The following TOLLIP variants were observed in gnomAD, a reference collection of about 807,000 sequenced individuals.
The protein encoded by TOLLIP is toll-interacting protein.
TOLLIP carries 16 observed loss-of-function variants against 33.5 expected under a neutral mutation model. The observed-to-expected ratio is 0.48, with a 90% CI of 0.32 to 0.72. The LOEUF is 0.72. Among genes scored for constraint, TOLLIP ranks in the 30% least tolerant of loss-of-function variants. The probability of loss-of-function intolerance (pLI) is 0.03; values close to 1 mark genes in which losing one functional copy is unlikely to be tolerated. For synonymous variants in TOLLIP, 176 were observed against 163.7 expected (o/e 1.07, Z -0.57); for missense variants, 325 against 396.6 (o/e 0.82, Z 1.53).
chr11:1,285,094 C>T (rs952243962), intron 5 of TOLLIP, among the ~76,000 whole-genome samples: 1 of 152,146 alleles, frequency 6.6e-6, no homozygotes, highest in Non-Finnish European at 1.5e-5. Flanking sequence ...CCCAAAGCAG[C>T]CCCTGAGCAC....
intron 2 of TOLLIP, among the ~76,000 whole-genome samples, chr11:1,295,222 C>T (rs1864074276): frequency 6.6e-6 from 1 of 152,268 alleles, no homozygotes; most frequent in Non-Finnish European, 1.5e-5. Context: ...GGCCCCGAGG[C>T]TGACCGAGGG....
At position 1,276,327 on chromosome 11, in the gene TOLLIP, C is replaced by A. The variant is rs1384800530; in HGVS notation, c.*712G>T. The A allele has an allele frequency of 4.6e-6, 1 of 219,492 alleles. No homozygotes were observed. Among genetic ancestry groups the A allele is most frequent in the East Asian group, 1.2e-4 (1 of 8,338 alleles). 13.6% of individuals were successfully genotyped at this position (219,492 alleles called of 1,614,324 possible). ...CGGCAGCCTCCGGCGGGCGAAGGAC[C>A]CGGCTTCAGATGCCCGCTGGCTGGC... On this transcript the variant is annotated 3_prime_UTR_variant, in exon 6 of 6. Transcript: ENST00000317204.
rs1370513114 is a variant in TOLLIP at position 1,290,849 on chromosome 11, A to G, written c.184-440T>C. On this transcript the variant is annotated intron_variant, in intron 2 of 5. Transcript: ENST00000317204. The surrounding 1 kb of genome is among the most constrained non-coding windows in gnomAD (Gnocchi z 4.9). The stretch of plus-strand genomic sequence containing the variant: ...CCCGGGAGAGGTGCATCCTCGCTCT[A>G]GGTGAGAGTGAGGACACCTGCTGCA... The G allele has an allele frequency of 1.2e-5, 2 of 164,994 alleles. No homozygotes were observed. Among genetic ancestry groups the G allele is most frequent in the Non-Finnish European group, 2.6e-5 (2 of 75,494 alleles). 10.2% of individuals were successfully genotyped at this position (164,994 alleles called of 1,614,324 possible). A position where few individuals can be genotyped will look rare whatever the true frequency, so the allele number is the denominator to read the frequency against.
intron 5 of TOLLIP, among the ~76,000 whole-genome samples, chr11:1,285,241 G>C (rs1863649915): frequency 6.6e-6 from 1 of 152,224 alleles, no homozygotes; most frequent in Non-Finnish European, 1.5e-5. Flanking sequence ...CCTCCGTGCA[G>C]AGGGACCAGT....
chr11:1,290,485 C>T lies in TOLLIP; in HGVS notation c.184-76G>A, dbSNP rs1863899333. ...GTGGGTTCTCTAGGCCGTCTGCCTC[C>T]CTGAACCCTTCCACGAGGCCTTTTC... On this transcript the variant is annotated intron_variant, in intron 2 of 5. Coordinates refer to ENST00000317204, the MANE Select transcript of TOLLIP (RefSeq NM_019009.4). This position sits in a 1 kb window ranked among gnomAD's most constrained non-coding sequence, Gnocchi z 4.9. The T allele has an allele frequency of 1.4e-6, 2 of 1,414,262 alleles. No homozygotes were observed. The highest frequency in any genetic ancestry group is 2.0e-6 in the Non-Finnish European group (2 of 1,017,498). 87.6% of individuals were successfully genotyped at this position (1,414,262 alleles called of 1,614,324 possible). A position where few individuals can be genotyped will look rare whatever the true frequency, so the allele number is the denominator to read the frequency against.
chr11:1,295,016 C>T (rs1054753545), intron 2 of TOLLIP, among the ~76,000 whole-genome samples: 2 of 124,566 alleles, frequency 1.6e-5, no homozygotes, highest in African/African-American at 6.2e-5. Context: ...CGGTGTGTCT[C>T]CTTTCCCTGC....
chr11:1,280,245 T>C (rs1373515229), intron 5 of TOLLIP, among the ~76,000 whole-genome samples: 2 of 152,242 alleles, frequency 1.3e-5, no homozygotes, highest in Non-Finnish European at 2.9e-5. Context: ...CCTGGGCCGC[T>C]GGGTGAGCCC....
At chr11:1,297,734 C>T (rs961499200) in intron 1 of TOLLIP, among the ~76,000 whole-genome samples, 2 of 152,352 alleles carry the variant, frequency 1.3e-5, no homozygotes, top group African/African-American at 4.8e-5. Context: ...TACGGACAAT[C>T]GAGGAGGGTG....
In TOLLIP at chr11:1,303,941, C is replaced by A. The variant is rs958889411; in HGVS notation, c.33+5525G>T. ...ATCCCAGCTACTCGGGAGTCTGAGG[C>A]AGGAAAATCGCTTGAACCTGGGAGG... On this transcript the variant is annotated intron_variant, in intron 1 of 5. Transcript: ENST00000317204. This position sits in a 1 kb window ranked among gnomAD's most constrained non-coding sequence, Gnocchi z 4.2. 2.0e-5 allele frequency among the ~76,000 whole-genome samples: 3 copies of A among 150,446 alleles called. No individual in the cohort carries two copies. Among genetic ancestry groups the A allele is most frequent in the African/African-American group, 7.4e-5 (3 of 40,682 alleles).
At chr11:1,297,303 T>G (rs1229049284) in intron 1 of TOLLIP, among the ~76,000 whole-genome samples, 1 of 152,170 alleles carries the variant, frequency 6.6e-6, no homozygotes, top group Non-Finnish European at 1.5e-5. Context: ...TGCTGTGCTC[T>G]GGGCGCCTGG....
chr11:1,306,204 C>T (rs1477382302), intron 1 of TOLLIP: 1 of 152,174 alleles, frequency 6.6e-6, no homozygotes, highest in African/African-American at 2.4e-5. Context: ...GAACCATTAT[C>T]CTGAAGATCT....
chr11:1,302,627 G>A (rs977935347), intron 1 of TOLLIP: 19 of 987,326 alleles, frequency 1.9e-5, no homozygotes, highest in Non-Finnish European at 2.2e-5. Context: ...TCGGCCTCAC[G>A]CTCCACACCA....
Position 1,274,834 on chromosome 11 carries a change from G to T in TOLLIP, c.*2205C>A, listed in dbSNP as rs1267770589. 1 of 151,696 alleles carries T rather than the reference G, an allele frequency of 6.6e-6. No individual in the cohort carries two copies. Among genetic ancestry groups the T allele is most frequent in the Non-Finnish European group, 1.5e-5 (1 of 67,938 alleles). The allele number at this position is 151,696 out of a possible 1,614,324, so 9.4% of individuals were successfully genotyped here. ...CAGACAAGCCTGTCCTTCTGAGTGT[G>T]ACGACCTCATCCACACCTGACACAG... On this transcript the variant is annotated 3_prime_UTR_variant, in exon 6 of 6. Coordinates refer to ENST00000317204, the MANE Select transcript of TOLLIP (RefSeq NM_019009.4).
chr11:1,306,162 AG>A (rs1449312671), intron 1 of TOLLIP: 2 of 152,206 alleles, frequency 1.3e-5, no homozygotes, highest in African/African-American at 2.4e-5. Flanking sequence ...AGCACTGCAC[AG>A]GGCTGAAGCA....
intron 2 of TOLLIP, among the ~76,000 whole-genome samples, chr11:1,294,261 G>T (rs1864040770): frequency 8.5e-6 from 1 of 116,994 alleles, no homozygotes; most frequent in Non-Finnish European, 1.7e-5. Flanking sequence ...GGCTCACAGT[G>T]TGTCTCCTTT....
At chr11:1,289,346 G>A (rs1251215545) in intron 3 of TOLLIP, among the ~76,000 whole-genome samples, 2 of 152,198 alleles carry the variant, frequency 1.3e-5, no homozygotes, top group Non-Finnish European at 2.9e-5. Flanking sequence ...GCCCCACACT[G>A]CTCCCCGGCC....
Position 1,275,168 on chromosome 11 carries a change from C to A in TOLLIP, c.*1871G>T, listed in dbSNP as rs923412359. 1 of 152,226 alleles carries A rather than the reference C, an allele frequency of 6.6e-6. No individual in the cohort carries two copies. The highest frequency in any genetic ancestry group is 1.5e-5 in the Non-Finnish European group (1 of 68,042). 9.4% of individuals were successfully genotyped at this position (152,226 alleles called of 1,614,324 possible). Reference sequence around the variant, plus strand: ...TGTGTGGGTCCCTCGGGCCCCCACACGGGCTGCTCAAGGGCTGGCAGCAGG... The same window carrying A: ...TGTGTGGGTCCCTCGGGCCCCCACAAGGGCTGCTCAAGGGCTGGCAGCAGG... On this transcript the variant is annotated 3_prime_UTR_variant, in exon 6 of 6. Transcript: ENST00000317204.
rs144191022 is a variant in TOLLIP, at chr11:1,279,555, C to T, written c.611-2302G>A. ...GGGGCAGCCCAGAGCCCACCTGTAG[C>T]GGCCCTGGGAGGAGTGATGGGCGGC... On this transcript the variant is annotated intron_variant, in intron 5 of 5. Transcript: ENST00000317204. 2.3e-3 allele frequency among the ~76,000 whole-genome samples: 358 copies of T among 152,348 alleles called. 5 individuals are homozygous for T. Among genetic ancestry groups the T allele is most frequent in the African/African-American group, 7.7e-3 (320 of 41,586 alleles).
At chr11:1,300,494 T>C (rs1864237376) in intron 1 of TOLLIP, among the ~76,000 whole-genome samples, 1 of 152,250 alleles carries the variant, frequency 6.6e-6, no homozygotes, top group Non-Finnish European at 1.5e-5. Context: ...TCATGCAATG[T>C]GTGTAGTCAA....
Sources: allele counts gnomAD v4.1 joint callset (sites outside exome capture counted in the v4.1 genomes callset), GRCh38; gene constraint gnomAD v4.1.1; non-coding constraint Gnocchi (gnomAD v3.1); transcripts MANE v1.5; gene names NCBI Gene and HGNC (gene_info 2026-07-23, HGNC 2026-07-21).